NUDCD1: variants seen among roughly 807,000 people sequenced by gnomAD.
NUDCD1 encodes NudC domain containing 1, also known as nudC domain-containing protein 1.
A neutral mutation model predicts 67.8 loss-of-function variants in NUDCD1; 60 were observed. That is an observed-to-expected ratio of 0.88 (90% confidence interval 0.72 to 1.10). The LOEUF (loss-of-function observed/expected upper bound fraction) is 1.10, where lower values mean the gene tolerates loss of function less well. Among genes scored for constraint, NUDCD1 ranks in the 50% least tolerant of loss-of-function variants. NUDCD1 has a pLI of 0.00. For missense variants in NUDCD1, 643 were observed against 695.0 expected (o/e 0.93, Z 0.84); for synonymous variants, 244 against 230.8 (o/e 1.06, Z -0.52).
At chr8:109,315,731 C>T (rs1415813736) in intron 2 of NUDCD1, 4 of 152,140 alleles carry the variant, frequency 2.6e-5, no homozygotes, top group Non-Finnish European at 5.9e-5. Context: ...TATTTATATG[C>T]CTTTTTCTCA....
At position 109,242,022 on chromosome 8, in the gene NUDCD1, G is replaced by T. The variant is rs1813378203; in HGVS notation, c.*987C>A. Reference sequence around the variant, plus strand: ...TAAACAGGATTATTTTGTTGAAGTTGTTAGAAAAATAAAGAGAGCCACAAG... The same window carrying T: ...TAAACAGGATTATTTTGTTGAAGTTTTTAGAAAAATAAAGAGAGCCACAAG... On this transcript the variant is annotated 3_prime_UTR_variant, in exon 10 of 10. Transcript: ENST00000239690. 1 of 397,798 alleles carries T rather than the reference G, an allele frequency of 2.5e-6. No individual in the cohort carries two copies. Among genetic ancestry groups the T allele is most frequent in the Non-Finnish European group, 4.4e-6 (1 of 225,492 alleles). 24.6% of individuals were successfully genotyped at this position (397,798 alleles called of 1,614,324 possible). A position where few individuals can be genotyped will look rare whatever the true frequency, so the allele number is the denominator to read the frequency against.
intron 5 of NUDCD1, among the ~76,000 whole-genome samples, chr8:109,287,255 C>G (rs1428095894): frequency 6.6e-6 from 1 of 152,104 alleles, no homozygotes; most frequent in Admixed American, 6.6e-5. Context: ...TAAAACAGAA[C>G]TACAATTCAA....
intron 2 of NUDCD1, among the ~76,000 whole-genome samples, chr8:109,307,449 C>T (rs892698901): frequency 3.3e-5 from 5 of 152,136 alleles, no homozygotes; most frequent in Admixed American, 6.5e-5. Context: ...TTTACACGGA[C>T]GTGTGTGACA....
chr8:109,266,549 T>C (rs1333079713), intron 8 of NUDCD1, among the ~76,000 whole-genome samples: 2 of 152,046 alleles, frequency 1.3e-5, no homozygotes, highest in Non-Finnish European at 2.9e-5. Context: ...CGGCTATTTG[T>C]AATATTTTAT....
At chr8:109,268,258 T>C (rs879460817) in intron 8 of NUDCD1, among the ~76,000 whole-genome samples, 4 of 152,148 alleles carry the variant, frequency 2.6e-5, no homozygotes, top group Non-Finnish European at 5.9e-5. Context: ...TCGGTGTATT[T>C]TGCTCAGTTC....
intron 1 of NUDCD1, among the ~76,000 whole-genome samples, chr8:109,331,948 A>C (rs971270802): frequency 6.6e-6 from 1 of 152,212 alleles, no homozygotes; most frequent in African/African-American, 2.4e-5. Context: ...TTGCTCCAGC[A>C]ATATAAGAGT....
intron 8 of NUDCD1, among the ~76,000 whole-genome samples, chr8:109,252,932 T>G (rs1332586315): frequency 6.6e-6 from 1 of 152,186 alleles, no homozygotes; most frequent in Admixed American, 6.5e-5. Flanking sequence ...TTTATTAACT[T>G]GCCTAAAAAG....
At chr8:109,282,518 T>C (rs1037223981) in intron 5 of NUDCD1, among the ~76,000 whole-genome samples, 3 of 151,152 alleles carry the variant, frequency 2.0e-5, no homozygotes, top group Non-Finnish European at 4.4e-5. Flanking sequence ...GAAAGAAAAC[T>C]AAAAAATCCT....
intron 1 of NUDCD1, among the ~76,000 whole-genome samples, chr8:109,331,934 C>T (rs924688608): frequency 5.3e-5 from 8 of 152,168 alleles, no homozygotes; most frequent in African/African-American, 1.4e-4. Context: ...CTTTCCCAGA[C>T]GTTTTGCTCC....
intron 8 of NUDCD1, among the ~76,000 whole-genome samples, chr8:109,270,676 A>T (rs1052648032): frequency 1.3e-5 from 2 of 152,176 alleles, no homozygotes; most frequent in Non-Finnish European, 2.9e-5. Context: ...ATTAAACCAG[A>T]CATTTCAATA....
At chr8:109,245,241 AG>A (rs1408098411) in intron 9 of NUDCD1, 80 bp downstream of exon 9, 3 of 1,378,126 alleles carry the variant, frequency 2.2e-6, no homozygotes, top group Middle Eastern at 1.9e-4. Flanking sequence ...CAAATTAAAA[AG>A]AAAAAAAAGA....
At chr8:109,312,227 G>C (rs968958456) in intron 2 of NUDCD1, among the ~76,000 whole-genome samples, 4 of 148,422 alleles carry the variant, frequency 2.7e-5, no homozygotes, top group Non-Finnish European at 4.4e-5. Context: ...GCTTGAACAC[G>C]GAGGCAGAGT....
At chr8:109,302,594 G>A (rs909032507) in intron 2 of NUDCD1, among the ~76,000 whole-genome samples, 9 of 151,972 alleles carry the variant, frequency 5.9e-5, no homozygotes, top group East Asian at 1.9e-4. Flanking sequence ...GCTTAGTTTC[G>A]TTCTGTGACT....
At chr8:109,289,031 A>C (rs1251775726) in intron 5 of NUDCD1, among the ~76,000 whole-genome samples, 1 of 150,422 alleles carries the variant, frequency 6.6e-6, no homozygotes, top group Non-Finnish European at 1.5e-5. Context: ...GCTGGAGTGC[A>C]GTGGCACAAT....
chr8:109,334,047 C>A lies in NUDCD1; in HGVS notation c.-37G>T, dbSNP rs746753567. On this transcript the variant is annotated 5_prime_UTR_variant, in exon 1 of 10. Coordinates refer to ENST00000239690, the MANE Select transcript of NUDCD1 (RefSeq NM_032869.4). ...GCCGCAGCGTGAGAATTAATAAAGC[C>A]CTTGTTGAAAGGTCCGCGCTTCACG... is the stretch of plus-strand genomic sequence containing the variant. The A allele has an allele frequency of 1.9e-6, 3 of 1,613,302 alleles. No homozygotes were observed. The highest frequency in any genetic ancestry group is 2.5e-6 in the Non-Finnish European group (3 of 1,179,526).
rs1813394727 is a variant in NUDCD1 at position 109,242,725 on chromosome 8, T to C, written c.*284A>G. On this transcript the variant is annotated 3_prime_UTR_variant, in exon 10 of 10. Coordinates refer to ENST00000239690, the MANE Select transcript of NUDCD1 (RefSeq NM_032869.4). ...AACACTGAATTGTACATCTTTCATA[T>C]AAAACATGAGATTCTAGCCTGTTTT... 4.7e-6 allele frequency: 1 copy of C among 214,480 alleles called. No homozygotes were observed. The highest frequency in any genetic ancestry group is 1.0e-4 in the East Asian group (1 of 9,886). 13.3% of individuals were successfully genotyped at this position (214,480 alleles called of 1,614,324 possible).
rs1311142986 is a variant in NUDCD1, at chr8:109,242,787, T to G, written c.*222A>C. On this transcript the variant is annotated 3_prime_UTR_variant, in exon 10 of 10. Coordinates refer to ENST00000239690, the MANE Select transcript of NUDCD1 (RefSeq NM_032869.4). Reference sequence around the variant, plus strand: ...ATACTTGCTAGTACTATCTTCACTCTTTTTTTTTTTCAGAAGCCAATGTTC... The same window carrying G: ...ATACTTGCTAGTACTATCTTCACTCGTTTTTTTTTTCAGAAGCCAATGTTC... 6.6e-5 allele frequency: 5 copies of G among 75,718 alleles called. No individual in the cohort carries two copies. Among genetic ancestry groups the G allele is most frequent in the African/African-American group, 1.6e-4 (3 of 18,730 alleles). 4.7% of individuals were successfully genotyped at this position (75,718 alleles called of 1,614,324 possible).
At chr8:109,286,261 A>G (rs189254444) in intron 5 of NUDCD1, among the ~76,000 whole-genome samples, 216 of 152,250 alleles carry the variant, frequency 1.4e-3, no homozygotes, top group South Asian at 5.2e-3. Flanking sequence ...TGCTACTCCT[A>G]TCAAACTACC....
At chr8:109,287,828 G>A (rs1018409646) in intron 5 of NUDCD1, among the ~76,000 whole-genome samples, 4 of 152,158 alleles carry the variant, frequency 2.6e-5, no homozygotes, top group African/African-American at 7.2e-5. Context: ...GGCCATGGAT[G>A]TAGACTAAAG....
Sources: allele counts gnomAD v4.1 joint callset (sites outside exome capture counted in the v4.1 genomes callset), GRCh38; gene constraint gnomAD v4.1.1; transcripts MANE v1.5; gene names NCBI Gene and HGNC (gene_info 2026-07-23, HGNC 2026-07-21).